Variants in CCP110 observed in about 807,000 individuals in gnomAD.
The protein encoded by CCP110 is centriolar coiled-coil protein of 110 kDa.
A neutral mutation model predicts 105.5 loss-of-function variants in CCP110; 43 were observed. The ratio of observed to expected loss-of-function variants is 0.41; its 90% CI spans 0.32 to 0.53. The LOEUF (loss-of-function observed/expected upper bound fraction) is 0.53. Among genes scored for constraint, CCP110 ranks in the 20% least tolerant of loss-of-function variants. CCP110 has a pLI of 0.32. For synonymous variants in CCP110, 353 were observed against 392.1 expected (o/e 0.90, Z 1.18); for missense variants, 1,016 against 1,189.1 (o/e 0.85, Z 2.14).
intron 2 of CCP110, among the ~76,000 whole-genome samples, chr16:19,529,147 G>C (rs1488896574): frequency 6.6e-6 from 1 of 152,164 alleles, no homozygotes; most frequent in Non-Finnish European, 1.5e-5. Flanking sequence ...GATCATAAGA[G>C]GTACCCAATA....
intron 3 of CCP110, 82 bp downstream of exon 3, chr16:19,532,626 A>C: frequency 8.7e-7 from 1 of 1,149,186 alleles, no homozygotes; most frequent in East Asian, 2.5e-5. Flanking sequence ...ATATATTTGC[A>C]CTTAACTAAT....
At chr16:19,538,735 G>C (rs1367087309) in intron 4 of CCP110, among the ~76,000 whole-genome samples, 1 of 152,044 alleles carries the variant, frequency 6.6e-6, no homozygotes, top group Non-Finnish European at 1.5e-5. Flanking sequence ...TATGAGCTTC[G>C]TGTAATTGGT....
At chr16:19,528,049 T>G (rs1390035815) in intron 2 of CCP110, 27 bp downstream of exon 2, 1 of 1,589,872 alleles carries the variant, frequency 6.3e-7, no homozygotes, top group Non-Finnish European at 8.6e-7. Context: ...TTTAAATAGT[T>G]TTTTTCTGTA....
rs1401601656 is a variant in CCP110 at position 19,544,913 on chromosome 16, C to T, written c.2586+15C>T. 2.9e-6 allele frequency: 4 copies of T among 1,357,228 alleles called. No homozygotes were observed. The highest frequency in any genetic ancestry group is 1.8e-4 in the Middle Eastern group (1 of 5,510). The allele number at this position is 1,357,228 out of a possible 1,614,324, so 84.1% of individuals were successfully genotyped here. A position where few individuals can be genotyped will look rare whatever the true frequency, so the allele number is the denominator to read the frequency against. ...TGTTAGCTCAGGTAAATACATGGAT[C>T]CTGAAGGCTTTTAAGACATGGACAT... On this transcript the variant is annotated intron_variant, in intron 9 of 14. Transcript: ENST00000381396.
chr16:19,547,652 A>T (rs1347163067), intron 12 of CCP110: 2 of 225,510 alleles, frequency 8.9e-6, no homozygotes, highest in African/African-American at 4.6e-5. Context: ...CACTGGTTTG[A>T]AGGGAAAAGT....
chr16:19,537,349 G>A (rs374650721), exon 4 of CCP110: 9 of 1,613,592 alleles, frequency 5.6e-6, no homozygotes, highest in East Asian at 2.2e-5. Context: ...ACCAGAATAC[G>A]AGACAGCAGA....
At chr16:19,538,044 G>A (rs750695067) in intron 4 of CCP110, among the ~76,000 whole-genome samples, 5 of 152,022 alleles carry the variant, frequency 3.3e-5, no homozygotes, top group South Asian at 2.1e-4. Context: ...GATTACAGGC[G>A]TGAGCCACGA....
intron 8 of CCP110, among the ~76,000 whole-genome samples, chr16:19,544,382 A>G (rs999558061): frequency 2.4e-4 from 37 of 152,324 alleles, no homozygotes; most frequent in African/African-American, 8.9e-4. Context: ...TCGGTCCTCT[A>G]TCTCTGGGTT....
exon 4 of CCP110, chr16:19,537,140 G>T (rs781615627): frequency 6.2e-7 from 1 of 1,614,144 alleles, no homozygotes; most frequent in Admixed American, 1.7e-5. Context: ...TGAGAGAGGC[G>T]CACACATAAT....
chr16:19,539,137 G>A (rs1005722573), intron 4 of CCP110, among the ~76,000 whole-genome samples: 7 of 151,380 alleles, frequency 4.6e-5, no homozygotes, highest in African/African-American at 1.7e-4. Flanking sequence ...TAATAATAAA[G>A]GTTCTTAATT....
At chr16:19,539,727 A>G (rs1970210477) in intron 4 of CCP110, among the ~76,000 whole-genome samples, 1 of 152,040 alleles carries the variant, frequency 6.6e-6, no homozygotes, top group South Asian at 2.1e-4. Context: ...GGATCCTCCA[A>G]GTAGATAGCA....
At chr16:19,538,302 C>CTTTTTTTTTTTTTTTTTTTTTT (rs1164690143) in intron 4 of CCP110, among the ~76,000 whole-genome samples, 2 of 55,244 alleles carry the variant, frequency 3.6e-5, no homozygotes, top group African/African-American at 9.0e-5. Flanking sequence ...GGAAACAGTT[C>CTTTTTTTTTTTTTTTTTTTTTT]TTTTTTTTTT....
intron 5 of CCP110, among the ~76,000 whole-genome samples, chr16:19,541,273 A>G (rs866520384): frequency 6.7e-6 from 1 of 148,820 alleles, no homozygotes; most frequent in Middle Eastern, 3.2e-3. Context: ...TATAAAAAGA[A>G]AAAAAAAAAG....
At chr16:19,544,679 C>T in intron 8 of CCP110, 118 bp from the exon 9 acceptor site, 1 of 645,402 alleles carries the variant, frequency 1.5e-6, no homozygotes, top group Non-Finnish European at 2.8e-6. Flanking sequence ...AACCAGTCCC[C>T]CACAGATACT....
At chr16:19,540,558 A>T (rs1356322132) in intron 4 of CCP110, 99 bp from the exon 5 acceptor site, 1 of 981,026 alleles carries the variant, frequency 1.0e-6, no homozygotes, top group Admixed American at 2.3e-5. Context: ...CAGATCCAGG[A>T]ATACTCTCTT....
chr16:19,529,145 G>A (rs1267322214), intron 2 of CCP110, among the ~76,000 whole-genome samples: 4 of 152,328 alleles, frequency 2.6e-5, no homozygotes, highest in Admixed American at 2.0e-4. Context: ...TGGATCATAA[G>A]AGGTACCCAA....
chr16:19,544,359 G>T (rs1970391095), intron 8 of CCP110, among the ~76,000 whole-genome samples: 1 of 152,134 alleles, frequency 6.6e-6, no homozygotes, highest in Non-Finnish European at 1.5e-5. Context: ...TTTTATTTAT[G>T]TTCTTAGTAC....
At chr16:19,540,842 T>A (rs1037957022) in intron 5 of CCP110, 55 bp downstream of exon 5, 2 of 1,567,766 alleles carry the variant, frequency 1.3e-6, no homozygotes, top group African/African-American at 2.7e-5. Context: ...CAAGGATACC[T>A]ATGAATTTTG....
chr16:19,544,251 T>A (rs1202367867), intron 8 of CCP110, among the ~76,000 whole-genome samples: 1 of 152,238 alleles, frequency 6.6e-6, no homozygotes, highest in Non-Finnish European at 1.5e-5. Flanking sequence ...TAATCGTTAA[T>A]CTTTCTCAGA....
Sources: allele counts gnomAD v4.1 joint callset (sites outside exome capture counted in the v4.1 genomes callset), GRCh38; gene constraint gnomAD v4.1.1; transcripts MANE v1.5; gene names NCBI Gene and HGNC (gene_info 2026-07-23, HGNC 2026-07-21).